The following METTL17 variants were observed in gnomAD, a reference collection of about 807,000 sequenced individuals.
The protein encoded by METTL17 is methyltransferase like 17.
In METTL17, 49 loss-of-function variants were observed where a neutral mutation model predicts 59.4. The observed-to-expected ratio is 0.82, with a 90% CI of 0.66 to 1.05. The LOEUF (loss-of-function observed/expected upper bound fraction) is 1.05, where lower values mean the gene tolerates loss of function less well. METTL17 is among the 50% of genes least tolerant of loss of function. The probability of loss-of-function intolerance (pLI) is 0.00; values close to 1 mark genes in which losing one functional copy is unlikely to be tolerated. For missense variants in METTL17, 555 were observed against 578.4 expected (o/e 0.96, Z 0.41); for synonymous variants, 208 against 209.2 (o/e 0.99, Z 0.05).
intron 5 of METTL17, 97 bp from the exon 6 acceptor site, chr14:20,993,021 A>G (rs1880122640): frequency 9.8e-7 from 1 of 1,018,776 alleles, no homozygotes; most frequent in Non-Finnish European, 1.6e-6. Context: ...AGGCATTCAC[A>G]TCTCACATCC....
intron 5 of METTL17, 155 bp from the exon 6 acceptor site, chr14:20,992,963 T>C (rs1219841351): frequency 4.4e-6 from 3 of 674,324 alleles, no homozygotes; most frequent in Non-Finnish European, 7.9e-6. Flanking sequence ...TTAGAATCAC[T>C]ATTTTAGGAG....
intron 4 of METTL17, 135 bp downstream of exon 4, chr14:20,992,340 G>GA (rs111295060): frequency 2.7e-6 from 2 of 745,770 alleles, no homozygotes. Flanking sequence ...TTTAGTATTT[G>GA]AAAAAGCTAA....
In METTL17 at chr14:20,996,555, C is replaced by T. The variant is rs1232200290; in HGVS notation, c.1109C>T (p.Ser370Phe). 1 of 1,613,492 alleles carries T rather than the reference C, an allele frequency of 6.2e-7. No individual in the cohort carries two copies. Among genetic ancestry groups the T allele is most frequent in the South Asian group, 1.1e-5 (1 of 91,050 alleles). Residue 370 changes from serine to phenylalanine, a missense_variant, in exon 13 of 14, where the codon TCT (serine) becomes TTT (phenylalanine). Physicochemically the swap from Ser to Phe is radical, Grantham distance 155. Coordinates refer to ENST00000339374, the MANE Select transcript of METTL17 (RefSeq NM_022734.3). ...WNKKPKEEKF[S>F]MVILARGSPE... ...AAGAAACCAAAGGAAGAAAAGTTCT[C>T]TATGGTGATCCTTGCTCGGGGGTCT...
chr14:20,992,752 C>G, intron 5 of METTL17, 130 bp downstream of exon 5: 1 of 696,682 alleles, frequency 1.4e-6, no homozygotes, highest in Non-Finnish European at 2.5e-6. Context: ...CTCCGCTGGA[C>G]ATAGTGGGCT....
At chr14:20,993,246 C>A in intron 6 of METTL17, 55 bp downstream of exon 6, 1 of 1,390,516 alleles carries the variant, frequency 7.2e-7, no homozygotes, top group Non-Finnish European at 1.0e-6. Flanking sequence ...GAAAGCCATA[C>A]TTACACCACT....
chr14:20,994,135 G>A (rs1566433215), intron 7 of METTL17, 72 bp downstream of exon 7: 5 of 1,091,436 alleles, frequency 4.6e-6, no homozygotes, highest in East Asian at 2.4e-5. Context: ...GTGTTTTACT[G>A]GGAAGTAGAG....
Position 20,994,604 on chromosome 14 carries a change from A to G in METTL17, c.759A>G (p.Val253=). 1 of 1,614,106 alleles carries G rather than the reference A, an allele frequency of 6.2e-7. No individual in the cohort carries two copies. Among genetic ancestry groups the G allele is most frequent in the Non-Finnish European group, 8.5e-7 (1 of 1,179,910 alleles). ...PGVFFRQFLP[V]SPKVQFDVVV... is the part of the protein sequence containing the mutation. ...TCTTTTTCAGACAGTTTCTACCTGTATCACCCAAGGCAAGTGGCAGTGTTT... is the reference window on the plus strand; with the variant it reads ...TCTTTTTCAGACAGTTTCTACCTGTGTCACCCAAGGCAAGTGGCAGTGTTT... The change falls in exon 8 of 14, where the codon GTA becomes GTG. Residue 253 remains valine (V), a synonymous_variant. Transcript: ENST00000339374.
At chr14:20,992,703 C>A (rs1880100875) in intron 5 of METTL17, 81 bp downstream of exon 5, 2 of 1,099,926 alleles carry the variant, frequency 1.8e-6, no homozygotes, top group Non-Finnish European at 2.8e-6. Flanking sequence ...GATGGGGATT[C>A]TTGGGACATT....
intron 3 of METTL17, among the ~76,000 whole-genome samples, chr14:20,991,025 A>G (rs1442855724): frequency 6.6e-6 from 1 of 152,146 alleles, no homozygotes. Flanking sequence ...ACGGGGTTTC[A>G]TCATGGTGGC....
chr14:20,990,739 G>A (rs141745318), intron 3 of METTL17, 141 bp downstream of exon 3: 1 of 1,033,424 alleles, frequency 9.7e-7, no homozygotes, highest in African/African-American at 1.6e-5. Context: ...TTACAATGAT[G>A]CCTTACTAAA....
intron 3 of METTL17, 28 bp from the exon 4 acceptor site, chr14:20,992,096 T>C (rs1880058290): frequency 6.2e-7 from 1 of 1,610,402 alleles, no homozygotes; most frequent in Non-Finnish European, 8.5e-7. Flanking sequence ...CCCTAGGTCC[T>C]GACTTCCAGT....
At chr14:20,992,808 G>T (rs902073692) in intron 5 of METTL17, 186 bp downstream of exon 5, 18 of 614,270 alleles carry the variant, frequency 2.9e-5, no homozygotes, top group Non-Finnish European at 2.9e-6. Context: ...CAGGAGGATT[G>T]CTTGAGCCAG....
At chr14:20,995,818 C>A in intron 10 of METTL17, 83 bp from the exon 11 acceptor site, 1 of 1,088,446 alleles carries the variant, frequency 9.2e-7, no homozygotes, top group Non-Finnish European at 1.4e-6. Flanking sequence ...TTAAAGGAGT[C>A]CTCAGTTTAC....
At chr14:20,994,977 C>G in intron 9 of METTL17, 76 bp downstream of exon 9, 1 of 1,278,012 alleles carries the variant, frequency 7.8e-7, no homozygotes, top group Non-Finnish European at 1.1e-6. Context: ...CTCTCATTGT[C>G]TTTATTCTTC....
rs373040366 is a variant in METTL17 at position 20,994,574 on chromosome 14, A to G, written c.729A>G (p.Pro243=). 1.7e-5 allele frequency: 27 copies of G among 1,614,186 alleles called. No individual in the cohort carries two copies. In the East Asian group the frequency reaches 3.1e-4, roughly 19 times the overall value. The part of the protein sequence containing the change: ...GGSESGEPYI[P]GVFFRQFLPV... ...CAGAATCTGGGGAGCCTTATATTCC[A>G]GGTGTCTTTTTCAGACAGTTTCTAC... is the stretch of plus-strand genomic sequence containing the variant. The change falls in exon 8 of 14, where the codon CCA becomes CCG. Residue 243 remains proline, a synonymous_variant. Coordinates refer to ENST00000339374, the MANE Select transcript of METTL17 (RefSeq NM_022734.3).
chr14:20,996,148 G>GT, intron 11 of METTL17, 61 bp from the exon 12 acceptor site: 1 of 1,513,954 alleles, frequency 6.6e-7, no homozygotes, highest in Non-Finnish European at 9.2e-7. Context: ...ATTATTCTCA[G>GT]TTTTTAAGTT....
Position 20,990,612 on chromosome 14 carries a change from A to G in METTL17, c.364+14A>G, listed in dbSNP as rs199609252. On this transcript the variant is annotated intron_variant, in intron 3 of 13. Coordinates refer to ENST00000339374, the MANE Select transcript of METTL17 (RefSeq NM_022734.3). ...TGGAAAACCCAGGTAGGACTTAAGA[A>G]TAATTAAAAAGTGGGCGAGATTGAA... The G allele has an allele frequency of 1.7e-4, 269 of 1,613,152 alleles. 2 individuals carry two copies. The African/African-American group carries it at 2.9e-3, about 17-fold the overall frequency.
chr14:20,991,624 G>A lies in METTL17; in HGVS notation c.365-500G>A, dbSNP rs138806054. 4.7e-3 allele frequency: 796 copies of A among 170,002 alleles called. 7 individuals carry two copies. Among genetic ancestry groups the A allele is most frequent in the African/African-American group, 0.017 (715 of 41,558 alleles). 10.5% of individuals were successfully genotyped at this position (170,002 alleles called of 1,614,324 possible). A position where few individuals can be genotyped will look rare whatever the true frequency, so the allele number is the denominator to read the frequency against. On this transcript the variant is annotated intron_variant, in intron 3 of 13. Transcript: ENST00000339374. ...CAGCTCACCACAACCTCTGCCTCCC[G>A]GTTTCAAGTGATTCTCCTGCCTCAG...
intron 5 of METTL17, 43 bp from the exon 6 acceptor site, chr14:20,993,075 A>G (rs904773700): frequency 6.5e-6 from 10 of 1,543,254 alleles, no homozygotes; most frequent in Admixed American, 1.7e-5. Context: ...GTCCTAAATA[A>G]GTATCTAATT....
Sources: allele counts gnomAD v4.1 joint callset (sites outside exome capture counted in the v4.1 genomes callset), GRCh38; gene constraint gnomAD v4.1.1; transcripts MANE v1.5; gene names NCBI Gene and HGNC (gene_info 2026-07-23, HGNC 2026-07-21).